The following AFF1 variants were observed in gnomAD, a reference collection of about 807,000 sequenced individuals.
The protein encoded by AFF1 is AF4/FMR2 family member 1.
A neutral mutation model predicts 121.7 loss-of-function variants in AFF1; 48 were observed. The observed-to-expected ratio is 0.39, with a 90% CI of 0.31 to 0.50. AFF1 has a LOEUF of 0.50. Among genes scored for constraint, AFF1 ranks in the 20% least tolerant of loss-of-function variants. The pLI, the probability that AFF1 is intolerant of heterozygous loss-of-function variation, is 0.76. For missense variants in AFF1, 1,523 were observed against 1,511.7 expected, an observed-to-expected ratio of 1.01 and a Z score of -0.12; for synonymous variants, 613 against 563.0, an observed-to-expected ratio of 1.09 and a Z score of -1.26.
At chr4:87,058,434 G>A (rs1306240192) in intron 4 of AFF1, among the ~76,000 whole-genome samples, 2 of 152,126 alleles carry the variant, frequency 1.3e-5, no homozygotes, top group Non-Finnish European at 2.9e-5. Flanking sequence ...GGCTTGCACT[G>A]AGACCTTTAA....
chr4:87,096,298 CTTTTTTTTTTTTT>C (rs10593271), intron 8 of AFF1, among the ~76,000 whole-genome samples: 1 of 57,062 alleles, frequency 1.8e-5, no homozygotes, highest in South Asian at 7.5e-4. Context: ...TTGTTATTCC[CTTTTTTTTTTTTT>C]TTTTTTTTTG....
chr4:87,035,318 T>C (rs1441089614), intron 2 of AFF1, among the ~76,000 whole-genome samples: 2 of 152,012 alleles, frequency 1.3e-5, no homozygotes, highest in Non-Finnish European at 2.9e-5. Context: ...TCCCAGCACT[T>C]TGGGAGGCCG....
At chr4:86,995,371 G>A (rs918530026) in intron 2 of AFF1, among the ~76,000 whole-genome samples, 1 of 146,394 alleles carries the variant, frequency 6.8e-6, no homozygotes, top group Non-Finnish European at 1.5e-5. Flanking sequence ...AGCCGAAGCT[G>A]GACGGTACTG....
chr4:86,938,524 T>C (rs1720218158), intron 1 of AFF1, among the ~76,000 whole-genome samples: 1 of 152,144 alleles, frequency 6.6e-6, no homozygotes, highest in Admixed American at 6.5e-5. Context: ...ATTAGTGATA[T>C]TTTCCTCAAA....
chr4:87,019,239 A>G (rs528167467), intron 2 of AFF1, among the ~76,000 whole-genome samples: 25 of 152,176 alleles, frequency 1.6e-4, no homozygotes, highest in Non-Finnish European at 3.7e-4. Flanking sequence ...ATGATTATAT[A>G]TTGGTTTTCG....
chr4:86,976,110 C>T (rs551708734), intron 2 of AFF1, among the ~76,000 whole-genome samples: 2 of 152,268 alleles, frequency 1.3e-5, no homozygotes, highest in East Asian at 3.9e-4. Context: ...AAGGGAACTT[C>T]TGTAGTGGGA....
At chr4:87,112,099 G>C (rs1726597227) in intron 11 of AFF1, among the ~76,000 whole-genome samples, 1 of 152,170 alleles carries the variant, frequency 6.6e-6, no homozygotes, top group African/African-American at 2.4e-5. Flanking sequence ...GGGTGTGAAG[G>C]CTTTGTGCCT....
chr4:86,958,548 G>T (rs536578412), intron 2 of AFF1, among the ~76,000 whole-genome samples: 2 of 151,814 alleles, frequency 1.3e-5, no homozygotes, highest in African/African-American at 4.8e-5. Context: ...GTGAAACCCC[G>T]TCTCTACTGA....
intron 4 of AFF1, among the ~76,000 whole-genome samples, chr4:87,079,867 T>G (rs1301020613): frequency 6.6e-6 from 1 of 152,220 alleles, no homozygotes; most frequent in Non-Finnish European, 1.5e-5. Flanking sequence ...ATTTTTAAGT[T>G]TATGTAATAG....
chr4:87,045,525 T>TA (rs1235081044), intron 2 of AFF1, among the ~76,000 whole-genome samples: 5 of 152,126 alleles, frequency 3.3e-5, no homozygotes, highest in Non-Finnish European at 5.9e-5. Context: ...GCAGTCAGAT[T>TA]ATAAAGCGTT....
At chr4:87,074,183 C>T (rs1000191644) in intron 4 of AFF1, among the ~76,000 whole-genome samples, 2 of 151,998 alleles carry the variant, frequency 1.3e-5, no homozygotes, top group East Asian at 3.8e-4. Context: ...CTGAGGTTTT[C>T]GTGAGCAGAA....
rs377093348 is a variant in AFF1 at position 87,138,545 on chromosome 4, A to G, written c.*2844A>G. On this transcript the variant is annotated 3_prime_UTR_variant, in exon 21 of 21. Coordinates refer to ENST00000395146, the MANE Select transcript of AFF1 (RefSeq NM_001166693.3). ...TGTCTTTAGTAGGAAATGGAAGAAC[A>G]CTGTTTTATTTTTTAAAGTGTTTAA... The G allele has an allele frequency of 0.23, 51,032 of 225,886 alleles. 5,752 individuals are homozygous for G. The highest frequency in any genetic ancestry group is 0.36 in the Middle Eastern group (275 of 772). 14.0% of individuals were successfully genotyped at this position (225,886 alleles called of 1,614,324 possible). A position where few individuals can be genotyped will look rare whatever the true frequency, so the allele number is the denominator to read the frequency against.
chr4:86,958,839 C>CTT (rs1721943641), intron 2 of AFF1, among the ~76,000 whole-genome samples: 1 of 152,190 alleles, frequency 6.6e-6, no homozygotes, highest in African/African-American at 2.4e-5. Context: ...AGCATTTACT[C>CTT]TATTTACTTG....
At chr4:87,081,151 AATTTT>A (rs1193492373) in intron 4 of AFF1, among the ~76,000 whole-genome samples, 2 of 101,666 alleles carry the variant, frequency 2.0e-5, no homozygotes, top group Admixed American at 1.1e-4. Flanking sequence ...TAATGAAATG[AATTTT>A]TTTTTTTTTT....
At chr4:87,102,641 C>A (rs545669480) in intron 8 of AFF1, among the ~76,000 whole-genome samples, 1 of 152,046 alleles carries the variant, frequency 6.6e-6, no homozygotes, top group African/African-American at 2.4e-5. Flanking sequence ...TTCATTCAGC[C>A]TGCTGTTTTA....
chr4:87,008,039 C>T lies in AFF1; in HGVS notation c.39-38127C>T, dbSNP rs532626592. On this transcript the variant is annotated intron_variant, in intron 2 of 20. Coordinates refer to ENST00000395146, the MANE Select transcript of AFF1 (RefSeq NM_001166693.3). ...AGCGCTATTGTAAGAACCTGAAGCC[C>T]CGTCTTTCCATGGTTTGTTACTGTT... Among the ~76,000 whole-genome samples the T allele has an allele frequency of 5.3e-5, 8 of 150,710 alleles. No homozygotes were observed. The East Asian group carries it at 1.5e-3, about 29-fold the overall frequency.
intron 2 of AFF1, among the ~76,000 whole-genome samples, chr4:86,967,975 CGTAGCAACTTA>C (rs1442498630): frequency 6.6e-6 from 1 of 152,076 alleles, no homozygotes; most frequent in Non-Finnish European, 1.5e-5. Flanking sequence ...ACTTGAACTA[CGTAGCAACTTA>C]GTGGGAACTA....
At chr4:87,052,368 C>T (rs1312132798) in intron 4 of AFF1, among the ~76,000 whole-genome samples, 1 of 152,158 alleles carries the variant, frequency 6.6e-6, no homozygotes, top group Non-Finnish European at 1.5e-5. Flanking sequence ...AGTTGAGATA[C>T]TGCCACTGAA....
At chr4:87,128,822 A>G (rs771306110) in intron 16 of AFF1, among the ~76,000 whole-genome samples, 1 of 152,212 alleles carries the variant, frequency 6.6e-6, no homozygotes. Flanking sequence ...AGGGTGACCT[A>G]AGTCAATTAA....
Sources: allele counts gnomAD v4.1 joint callset (sites outside exome capture counted in the v4.1 genomes callset), GRCh38; gene constraint gnomAD v4.1.1; transcripts MANE v1.5; gene names NCBI Gene and HGNC (gene_info 2026-07-23, HGNC 2026-07-21).